The following BIRC6 variants were observed in gnomAD, a reference collection of about 807,000 sequenced individuals.
BIRC6 encodes the protein dual E2 ubiquitin-conjugating enzyme/E3 ubiquitin-protein ligase BIRC6.
Under a neutral mutation model 503.3 loss-of-function variants are expected in BIRC6, and 98 were observed. The observed-to-expected ratio is 0.19, with a 90% CI of 0.17 to 0.23. The LOEUF is 0.23. Among genes scored for constraint, BIRC6 ranks in the 10% least tolerant of loss-of-function variants. The probability of loss-of-function intolerance (pLI) is 1.00; values close to 1 mark genes in which losing one functional copy is unlikely to be tolerated. For missense variants in BIRC6, 5,360 were observed against 5,806.0 expected (o/e 0.92, Z 2.50); for synonymous variants, 2,240 against 2,078.7 (o/e 1.08, Z -2.11).
At chr2:32,569,134 C>T (rs1397830799) in intron 65 of BIRC6, among the ~76,000 whole-genome samples, 1 of 151,814 alleles carries the variant, frequency 6.6e-6, no homozygotes, top group East Asian at 2.0e-4. Context: ...GGTTTACAGA[C>T]ACCCACAACG....
rs2048327266 is a variant in BIRC6, at chr2:32,464,586, C to T, written c.5019C>T (p.His1673=). The T allele has an allele frequency of 1.2e-6, 2 of 1,612,310 alleles. No homozygotes were observed. The highest frequency in any genetic ancestry group is 1.7e-6 in the Non-Finnish European group (2 of 1,178,914). The change falls in exon 25 of 74, where the codon CAC becomes CAT. Residue 1673 remains histidine, a synonymous_variant. Coordinates refer to ENST00000421745, the MANE Select transcript of BIRC6 (RefSeq NM_016252.4). ...AAAASAVGPV[H]NSVPSNPVAA... is the part of the protein sequence containing the mutation. The stretch of plus-strand genomic sequence containing the variant: ...CAGCATCAGCAGTAGGTCCTGTTCA[C>T]AACTCTGTGCCTTCCAACCCAGTGG...
rs1404160231 is a variant in BIRC6, at chr2:32,464,637, A to T, written c.5070A>T (p.Pro1690=). ...PVAAPGFFIH[P]SDVIPPTPKT... ...CTGCCCCTGGATTCTTCATTCATCCATCTGATGTTATTCCACCCACTCCAA... is the reference window on the plus strand; with the variant it reads ...CTGCCCCTGGATTCTTCATTCATCCTTCTGATGTTATTCCACCCACTCCAA... The change falls in exon 25 of 74, where the codon CCA becomes CCT. Residue 1690 remains proline, a synonymous_variant. Transcript: ENST00000421745. 1.9e-6 allele frequency: 3 copies of T among 1,613,974 alleles called. No individual in the cohort carries two copies. In the East Asian group the frequency reaches 6.7e-5, roughly 36 times the overall value.
At chr2:32,532,662 T>C (rs764627271) in intron 61 of BIRC6, among the ~76,000 whole-genome samples, 28 of 152,166 alleles carry the variant, frequency 1.8e-4, no homozygotes, top group Non-Finnish European at 3.1e-4. Flanking sequence ...ATAATACTTA[T>C]TCATGTTATT....
At chr2:32,547,379 A>G (rs1250956715) in intron 63 of BIRC6, among the ~76,000 whole-genome samples, 1 of 152,076 alleles carries the variant, frequency 6.6e-6, no homozygotes, top group Non-Finnish European at 1.5e-5. Flanking sequence ...CCCTTCCCCC[A>G]GCCCCTGGCA....
chr2:32,396,315 G>C (rs1229322639), intron 6 of BIRC6, among the ~76,000 whole-genome samples: 1 of 152,176 alleles, frequency 6.6e-6, no homozygotes, highest in East Asian at 1.9e-4. Flanking sequence ...TTAAAATGAA[G>C]AGAATAAAAT....
At chr2:32,505,858 G>A (rs574075607) in intron 50 of BIRC6, among the ~76,000 whole-genome samples, 8 of 151,828 alleles carry the variant, frequency 5.3e-5, no homozygotes, top group African/African-American at 1.4e-4. Context: ...ATACTCATTT[G>A]CTTTTTTTTT....
chr2:32,547,604 A>G (rs972174180), intron 63 of BIRC6, among the ~76,000 whole-genome samples: 6 of 151,994 alleles, frequency 3.9e-5, no homozygotes, highest in East Asian at 1.9e-4. Flanking sequence ...CATCTAGGCT[A>G]TTTTCATCTT....
chr2:32,390,995 A>G (rs570877310), intron 4 of BIRC6, among the ~76,000 whole-genome samples: 34 of 152,224 alleles, frequency 2.2e-4, no homozygotes, highest in Non-Finnish European at 4.4e-4. Context: ...TATGGCTGTC[A>G]TTAAAATATT....
intron 73 of BIRC6, among the ~76,000 whole-genome samples, chr2:32,613,819 G>C (rs1019341459): frequency 6.6e-6 from 1 of 152,110 alleles, no homozygotes; most frequent in Admixed American, 6.6e-5. Context: ...TTCTTTCAGT[G>C]TGTTTTCCTT....
Position 32,518,240 on chromosome 2 carries a change from T to C in BIRC6, c.11350-14T>C. ...AATCTTGCATTTAACTTTTTAAATA[T>C]TTTGTCTTGCCAGGTTCTTTGTGAA... On this transcript the variant is annotated splice_polypyrimidine_tract_variant and intron_variant, in intron 55 of 73. Transcript: ENST00000421745. The C allele has an allele frequency of 6.2e-7, 1 of 1,606,208 alleles. No homozygotes were observed. Among genetic ancestry groups the C allele is most frequent in the Non-Finnish European group, 8.5e-7 (1 of 1,177,242 alleles).
Position 32,471,108 on chromosome 2 carries a change from A to G in BIRC6, c.6576A>G (p.Ala2192=). ...VATVEDEAAA[A]KKPLNGNQWS... ...CTGTTGAAGATGAAGCAGCAGCTGC[A>G]AAGAAACCTTTGAATGGTAAAGACA... Residue 2192 remains alanine (A), a synonymous_variant, in exon 32 of 74, where the codon GCA becomes GCG. Transcript: ENST00000421745. The G allele has an allele frequency of 1.9e-6, 3 of 1,572,758 alleles. No individual in the cohort carries two copies. The highest frequency in any genetic ancestry group is 1.9e-5 in the Admixed American group (1 of 53,804).
At chr2:32,599,994 A>G (rs2061942223) in intron 70 of BIRC6, 94 bp downstream of exon 70, 1 of 1,199,052 alleles carries the variant, frequency 8.3e-7, no homozygotes, top group Admixed American at 2.3e-5. Context: ...GTTATCTGCT[A>G]AGAGGGCATG....
chr2:32,377,221 G>A (rs1470764739), intron 1 of BIRC6, among the ~76,000 whole-genome samples: 1 of 148,240 alleles, frequency 6.7e-6, no homozygotes, highest in Non-Finnish European at 1.5e-5. Flanking sequence ...ATATGTGTGT[G>A]TGTGTGTGTG....
In BIRC6 at chr2:32,415,691, A is replaced by G; in HGVS notation, c.2400A>G (p.Gln800=). ...VVNGANISVI[Q]HESPADVQTP... ...ATGGTGCAAATATTAGTGTAATCCA[A>G]CATGAATCACCAGCAGATGTACAGA... Residue 800 remains glutamine (Q), a synonymous_variant, in exon 10 of 74, where the codon CAA becomes CAG. Transcript: ENST00000421745. The G allele has an allele frequency of 6.2e-7, 1 of 1,613,948 alleles. No individual in the cohort carries two copies. Among genetic ancestry groups the G allele is most frequent in the Non-Finnish European group, 8.5e-7 (1 of 1,179,890 alleles).
Position 32,505,883 on chromosome 2 carries a change from A to G in BIRC6, c.9700+678A>G, listed in dbSNP as rs78517026. On this transcript the variant is annotated intron_variant, in intron 50 of 73. Transcript: ENST00000421745. The stretch of plus-strand genomic sequence containing the variant: ...GCTTTTTTTTTTGAGGCAGGGTCTC[A>G]CTCTGTTGCCCAGGCTGGAGTGCAG... Among the ~76,000 whole-genome samples, 1,008 of 151,870 alleles carry G rather than the reference A, an allele frequency of 6.6e-3. 11 individuals are homozygous for G. The highest frequency in any genetic ancestry group is 0.017 in the Middle Eastern group (5 of 294).
rs2050386639 is a variant in BIRC6, at chr2:32,481,410, A to G, written c.7499A>G (p.Asp2500Gly). Residue 2500 changes from aspartate to glycine, a missense_variant, in exon 38 of 74, where the codon GAT (aspartate) becomes GGT (glycine). Asp to Gly is a moderately conservative substitution (Grantham distance 94, BLOSUM62 -1). This residue lies in a region of BIRC6 where 2,299 missense variants were observed against 2,267.2 expected (regional missense o/e 1.01). Coordinates refer to ENST00000421745, the MANE Select transcript of BIRC6 (RefSeq NM_016252.4). ...DLMEVDIDPLDIDLEKDPLAA... is the reference protein window; with the variant it reads ...DLMEVDIDPLGIDLEKDPLAA... ...ATGGAAGTTGACATTGATCCTTTAG[A>G]TATTGATTTGGAAAAGGACCCTCTT... 1 of 1,612,270 alleles carries G rather than the reference A, an allele frequency of 6.2e-7. No individual in the cohort carries two copies. Among genetic ancestry groups the G allele is most frequent in the Non-Finnish European group, 8.5e-7 (1 of 1,179,084 alleles).
At chr2:32,459,705 G>T (rs954585141) in intron 23 of BIRC6, among the ~76,000 whole-genome samples, 11 of 151,894 alleles carry the variant, frequency 7.2e-5, no homozygotes, top group African/African-American at 2.7e-4. Context: ...ATACACACTG[G>T]TGGTATATAT....
intron 12 of BIRC6, among the ~76,000 whole-genome samples, chr2:32,431,481 C>G (rs1259269427): frequency 1.3e-5 from 2 of 152,080 alleles, no homozygotes; most frequent in African/African-American, 4.8e-5. Flanking sequence ...TGGGCATGAG[C>G]CACCATGCCT....
intron 45 of BIRC6, among the ~76,000 whole-genome samples, chr2:32,497,297 C>T (rs1448148231): frequency 6.6e-6 from 1 of 152,238 alleles, no homozygotes; most frequent in Non-Finnish European, 1.5e-5. Flanking sequence ...GCATATGCCA[C>T]TACACCAAGT....
Sources: gnomAD v4.1 joint callset for allele counts (sites outside exome capture counted in the v4.1 genomes callset) on GRCh38, gnomAD v4.1.1 for gene constraint, gnomAD v4.1.1 regional missense constraint, MANE v1.5 for transcripts, NCBI Gene and HGNC (gene_info 2026-07-23, HGNC 2026-07-21) for gene names.